The following ULK4 variants were observed in gnomAD, a reference collection of about 807,000 sequenced individuals.
The protein encoded by ULK4 is inactive serine/threonine-protein kinase ULK4.
In ULK4, 133 loss-of-function variants were observed where a neutral mutation model predicts 160.6. The observed-to-expected ratio is 0.83, with a 90% CI of 0.72 to 0.96. The LOEUF (loss-of-function observed/expected upper bound fraction) is 0.96, where lower values mean the gene tolerates loss of function less well. Among genes scored for constraint, ULK4 ranks in the 40% least tolerant of loss-of-function variants. ULK4 has a pLI of 0.00. For missense variants in ULK4, 1,580 were observed against 1,499.5 expected (o/e 1.05, Z -0.89); for synonymous variants, 534 against 539.8 (o/e 0.99, Z 0.15).
chr3:41,729,270 A>G (rs988217698), intron 22 of ULK4, among the ~76,000 whole-genome samples: 6 of 152,220 alleles, frequency 3.9e-5, no homozygotes, highest in Non-Finnish European at 8.8e-5. Context: ...AGGAGCCCCC[A>G]GTAGCTCCCA....
At chr3:41,674,917 A>G (rs1195110677) in intron 29 of ULK4, among the ~76,000 whole-genome samples, 1 of 152,190 alleles carries the variant, frequency 6.6e-6, no homozygotes, top group East Asian at 1.9e-4. Context: ...CATAACACCC[A>G]AAACACATCA....
intron 32 of ULK4, among the ~76,000 whole-genome samples, chr3:41,512,441 A>C (rs1575335192): frequency 6.6e-6 from 1 of 152,242 alleles, no homozygotes; most frequent in East Asian, 1.9e-4. Flanking sequence ...ATATAAAATT[A>C]ATGTACACTA....
In ULK4 at chr3:41,789,063, G is replaced by A. The variant is rs143892671; in HGVS notation, c.2193+598C>T. On this transcript the variant is annotated intron_variant, in intron 21 of 36. Transcript: ENST00000301831. ...AGGTGATGTCAATGCTGCTGGTCCA[G>A]GGATCACTCTTTAACAAGGGACTAG... Among the ~76,000 whole-genome samples, 1,099 of 152,254 alleles carry A rather than the reference G, an allele frequency of 7.2e-3. 17 individuals carry two copies. Among genetic ancestry groups the A allele is most frequent in the African/African-American group, 0.026 (1,068 of 41,542 alleles).
At chr3:41,817,243 G>T (rs2040998655) in intron 19 of ULK4, among the ~76,000 whole-genome samples, 4 of 152,138 alleles carry the variant, frequency 2.6e-5, no homozygotes, top group African/African-American at 9.7e-5. Flanking sequence ...CATTTACATA[G>T]AGTTCAGCAT....
rs75057445 is a variant in ULK4, at chr3:41,593,899, G to C, written c.3120+21770C>G. On this transcript the variant is annotated intron_variant, in intron 31 of 36. Transcript: ENST00000301831. Reference sequence around the variant, plus strand: ...TATAAAAAACTTAGCCAGGTATCACGGCATGTATCTGTAGTCCCAGCTACC... The same window carrying C: ...TATAAAAAACTTAGCCAGGTATCACCGCATGTATCTGTAGTCCCAGCTACC... Among the ~76,000 whole-genome samples the C allele has an allele frequency of 5.2e-3, 797 of 151,846 alleles. 20 individuals are homozygous for C. In the East Asian group the frequency reaches 0.085, roughly 16 times the overall value.
At chr3:41,890,408 C>T (rs4974001) in intron 16 of ULK4, among the ~76,000 whole-genome samples, 141,225 of 152,126 alleles carry the variant, frequency 0.93, 66,391 homozygotes, top group East Asian at 1. Context: ...GGCTAGGCAT[C>T]GTGGCTCACA....
chr3:41,782,764 T>C (rs1335439891), intron 21 of ULK4, among the ~76,000 whole-genome samples: 2 of 152,214 alleles, frequency 1.3e-5, no homozygotes, highest in Non-Finnish European at 2.9e-5. Flanking sequence ...TAAAAGTTTA[T>C]CTTAAGGGAA....
Position 41,645,105 on chromosome 3 carries a change from C to G in ULK4, c.3071+18502G>C, listed in dbSNP as rs566884128. ...CTCTTTTTTTCTTTATTAGTCTTGC[C>G]AGGGGTCTATCAATTTTGTTGATCT... On this transcript the variant is annotated intron_variant, in intron 30 of 36. Coordinates refer to ENST00000301831, the MANE Select transcript of ULK4 (RefSeq NM_017886.4). Among the ~76,000 whole-genome samples the G allele has an allele frequency of 1.0e-3, 157 of 151,754 alleles. 1 individual carries two copies. The highest frequency in any genetic ancestry group is 3.7e-3 in the African/African-American group (153 of 41,438).
At chr3:41,335,134 A>G (rs1000117102) in intron 35 of ULK4, among the ~76,000 whole-genome samples, 1 of 152,254 alleles carries the variant, frequency 6.6e-6, no homozygotes, top group African/African-American at 2.4e-5. Flanking sequence ...TCTTCTTTAT[A>G]ATAGTGTTCT....
rs1223425939 is a variant in ULK4 at position 41,847,812 on chromosome 3, T to C, written c.1657-11841A>G. 6.6e-5 allele frequency among the ~76,000 whole-genome samples: 10 copies of C among 152,266 alleles called. No individual in the cohort carries two copies. The East Asian group carries it at 1.9e-3, about 29-fold the overall frequency. ...GTGTATTTGATTAAGCCTTCGCAAG[T>C]AAAATCACATCTGTCTACCTGAAAC... On this transcript the variant is annotated intron_variant, in intron 17 of 36. Transcript: ENST00000301831.
chr3:41,881,824 T>C (rs529559004), intron 17 of ULK4, among the ~76,000 whole-genome samples: 2 of 152,286 alleles, frequency 1.3e-5, no homozygotes, highest in East Asian at 3.9e-4. Context: ...ATCCACCCTT[T>C]CCTCTCAGTT....
chr3:41,948,459 A>G (rs542399765), intron 2 of ULK4, among the ~76,000 whole-genome samples: 29 of 152,304 alleles, frequency 1.9e-4, no homozygotes, highest in Admixed American at 1.6e-3. Context: ...CTCAAAAAAA[A>G]GAAAGAGTGT....
chr3:41,645,767 G>C (rs1348547383), intron 30 of ULK4, among the ~76,000 whole-genome samples: 3 of 152,088 alleles, frequency 2.0e-5, no homozygotes, highest in Non-Finnish European at 4.4e-5. Context: ...CTGTCTTGTT[G>C]ATCTGTCTAA....
At chr3:41,902,526 C>A (rs1328101100) in intron 12 of ULK4, among the ~76,000 whole-genome samples, 1 of 146,858 alleles carries the variant, frequency 6.8e-6, no homozygotes, top group South Asian at 2.1e-4. Flanking sequence ...TGCAGTGAGC[C>A]GAGATTGCGC....
At chr3:41,438,438 T>C (rs1476116204) in intron 34 of ULK4, among the ~76,000 whole-genome samples, 1 of 151,864 alleles carries the variant, frequency 6.6e-6, no homozygotes, top group Non-Finnish European at 1.5e-5. Flanking sequence ...GGTGCGTGAG[T>C]TCAAAATTTG....
At chr3:41,929,323 G>T (rs1699497480) in intron 5 of ULK4, among the ~76,000 whole-genome samples, 1 of 152,094 alleles carries the variant, frequency 6.6e-6, no homozygotes, top group Non-Finnish European at 1.5e-5. Flanking sequence ...AATAAACTTG[G>T]TATTGATGGA....
chr3:41,438,492 A>C (rs2083086078), intron 34 of ULK4, among the ~76,000 whole-genome samples: 1 of 152,188 alleles, frequency 6.6e-6, no homozygotes, highest in Non-Finnish European at 1.5e-5. Context: ...GCTTTAAAAA[A>C]TACAGATAGT....
intron 21 of ULK4, among the ~76,000 whole-genome samples, chr3:41,777,809 C>A (rs1179363596): frequency 2.8e-5 from 4 of 141,180 alleles, no homozygotes; most frequent in East Asian, 1.9e-4. Flanking sequence ...AATTTCTGTT[C>A]TTTTACATTT....
intron 32 of ULK4, among the ~76,000 whole-genome samples, chr3:41,528,381 T>A (rs531415939): frequency 9.2e-5 from 14 of 152,328 alleles, no homozygotes; most frequent in African/African-American, 3.1e-4. Flanking sequence ...TAGAAATGTA[T>A]AGAAACAGAC....
Sources: gnomAD v4.1 joint callset for allele counts (sites outside exome capture counted in the v4.1 genomes callset) on GRCh38, gnomAD v4.1.1 for gene constraint, MANE v1.5 for transcripts, NCBI Gene and HGNC (gene_info 2026-07-23, HGNC 2026-07-21) for gene names.